The following CPXM1 variants were observed in gnomAD, a reference collection of about 807,000 sequenced individuals.
The protein encoded by CPXM1 is probable carboxypeptidase X1.
Under a neutral mutation model 80.4 loss-of-function variants are expected in CPXM1, and 72 were observed. The observed-to-expected ratio is 0.90, with a 90% confidence interval of 0.74 to 1.09. The LOEUF (loss-of-function observed/expected upper bound fraction) is 1.09. CPXM1 is among the 50% of genes least tolerant of loss of function. CPXM1 has a pLI of 0.00. For missense variants in CPXM1, 892 were observed against 999.4 expected (o/e 0.89, Z 1.45); for synonymous variants, 403 against 405.6 (o/e 0.99, Z 0.08).
intron 1 of CPXM1, 94 bp downstream of exon 1, chr20:2,800,307 C>A (rs2088556937): frequency 8.8e-7 from 1 of 1,138,064 alleles, no homozygotes. Flanking sequence ...CGTGGGTGTG[C>A]GTGTGCCCGC....
intron 5 of CPXM1, among the ~76,000 whole-genome samples, 187 bp from the exon 6 acceptor site, chr20:2,797,529 C>G (rs866164835): frequency 1.2e-4 from 18 of 152,218 alleles, no homozygotes; most frequent in African/African-American, 3.9e-4. Flanking sequence ...CCTAGGCAGC[C>G]TTGCTCTCTG....
At chr20:2,797,491 C>G in intron 5 of CPXM1, 149 bp from the exon 6 acceptor site, 2 of 890,896 alleles carry the variant, frequency 2.2e-6, no homozygotes, top group Non-Finnish European at 3.2e-6. Flanking sequence ...ACACAGACCC[C>G]GGCCCACAGC....
chr20:2,798,021 T>C lies in CPXM1; in HGVS notation c.628A>G (p.Asn210Asp). The change falls in exon 5 of 14, where the codon AAT becomes GAT. Residue 210 changes from asparagine to aspartate, a missense_variant. Physicochemically the swap from Asn to Asp is conservative, Grantham distance 23. Around this residue, in one of 2 missense-constraint regions of CPXM1, gnomAD observed 874 missense variants for 958.4 expected, o/e 0.91. Transcript: ENST00000380605. Reference sequence around the variant, plus strand: ...CTTCCCCACCAGGTCCGACTGTCATTGCTGAACTGGACCTTGTATGATGTG... The same window carrying C: ...CTTCCCCACCAGGTCCGACTGTCATCGCTGAACTGGACCTTGTATGATGTG... ...WVTSYKVQFS[N>D]DSRTWWGSRN... 1 of 1,614,136 alleles carries C rather than the reference T, an allele frequency of 6.2e-7. No individual in the cohort carries two copies. Among genetic ancestry groups the C allele is most frequent in the Non-Finnish European group, 8.5e-7 (1 of 1,180,008 alleles).
Position 2,795,517 on chromosome 20 carries a change from G to C in CPXM1, c.1720+82C>G, listed in dbSNP as rs1056051386. Reference sequence around the variant, plus strand: ...GGGACACTTCAGAGTGGGAACAGACGCCAGCACTGTACGCAACCGCAGGCT... The same window carrying C: ...GGGACACTTCAGAGTGGGAACAGACCCCAGCACTGTACGCAACCGCAGGCT... On this transcript the variant is annotated intron_variant, in intron 11 of 13. Transcript: ENST00000380605. The surrounding 1 kb of genome is among the most constrained non-coding windows in gnomAD (Gnocchi z 5.4). 6.3e-7 allele frequency: 1 copy of C among 1,586,676 alleles called. No homozygotes were observed. The highest frequency in any genetic ancestry group is 2.2e-5 in the East Asian group (1 of 44,468).
At position 2,794,100 on chromosome 20, in the gene CPXM1, AC is replaced by A. The variant is rs1195708747; in HGVS notation, c.*89del. On this transcript the variant is annotated 3_prime_UTR_variant, in exon 14 of 14. Transcript: ENST00000380605. The surrounding 1 kb of genome is among the most constrained non-coding windows in gnomAD (Gnocchi z 5.2). ...AAGGTGCCCGGTAGCTTTAATGAGC[AC>A]CTTTTCCTCACTTTGTCCCTCCCTC... The A allele has an allele frequency of 3.7e-5, 55 of 1,496,286 alleles. No individual in the cohort carries two copies. Among genetic ancestry groups the A allele is most frequent in the Non-Finnish European group, 4.5e-5 (50 of 1,118,122 alleles). The allele number at this position is 1,496,286 out of a possible 1,614,324, so 92.7% of individuals were successfully genotyped here. A position where few individuals can be genotyped will look rare whatever the true frequency, so the allele number is the denominator to read the frequency against.
Position 2,794,529 on chromosome 20 carries a change from A to G in CPXM1, c.1963+8T>C, listed in dbSNP as rs774732076. ...AGCCCCTTCCCTTGCCCTCCCGGTCAAACACACCCGTGGTCACGTCATGGT... is the reference window on the plus strand; with the variant it reads ...AGCCCCTTCCCTTGCCCTCCCGGTCGAACACACCCGTGGTCACGTCATGGT... On this transcript the variant is annotated splice_region_variant and intron_variant, in intron 13 of 13. Transcript: ENST00000380605. This position sits in a 1 kb window ranked among gnomAD's most constrained non-coding sequence, Gnocchi z 5.2. 3 of 1,613,976 alleles carry G rather than the reference A, an allele frequency of 1.9e-6. No individual in the cohort carries two copies. The highest frequency in any genetic ancestry group is 2.5e-6 in the Non-Finnish European group (3 of 1,179,998).
In CPXM1 at chr20:2,798,414, C is replaced by T. The variant is rs747939286; in HGVS notation, c.450+14G>A. On this transcript the variant is annotated intron_variant, in intron 3 of 13. Transcript: ENST00000380605. ...CCTACCCTGAGACCATGGCTCCGAG[C>T]CAGGATTACTGACCTGAATGTTGAG... 1 of 1,608,804 alleles carries T rather than the reference C, an allele frequency of 6.2e-7. No homozygotes were observed. Among genetic ancestry groups the T allele is most frequent in the Admixed American group, 1.7e-5 (1 of 59,806 alleles).
chr20:2,798,645 G>A lies in CPXM1; in HGVS notation c.340+81C>T, dbSNP rs182503084. 4.1e-5 allele frequency: 64 copies of A among 1,552,048 alleles called. 1 individual carries two copies. The South Asian group carries it at 4.7e-4, about 11-fold the overall frequency. On this transcript the variant is annotated intron_variant, in intron 2 of 13. Coordinates refer to ENST00000380605, the MANE Select transcript of CPXM1 (RefSeq NM_019609.5). ...GCGCTAGGCAAGCAAGGGGCGTGCC[G>A]GTGCCCATGAGGCCAAGAGCTGTGC...
chr20:2,796,623 G>A lies in CPXM1; in HGVS notation c.949C>T (p.Pro317Ser), dbSNP rs762109961. 3.7e-6 allele frequency: 6 copies of A among 1,614,166 alleles called. No homozygotes were observed. The South Asian group carries it at 6.6e-5, about 18-fold the overall frequency. ...ATGCTGTAGATGCGGGTGATGTTGG[G>A]GCATTGCTCTTGTACCTGCTTCATC... is the stretch of plus-strand genomic sequence containing the variant. Reference protein sequence around the residue: ...KLMKQVQEQCPNITRIYSIGK... With the variant: ...KLMKQVQEQCSNITRIYSIGK... The change falls in exon 8 of 14, where the codon CCC (proline) becomes TCC (serine). Residue 317 changes from proline (P) to serine (S), a missense_variant. Around this residue, in one of 2 missense-constraint regions of CPXM1, gnomAD observed 874 missense variants for 958.4 expected, o/e 0.91. Transcript: ENST00000380605. This position sits in a 1 kb window ranked among gnomAD's most constrained non-coding sequence, Gnocchi z 6.8.
At position 2,794,205 on chromosome 20, in the gene CPXM1, C is replaced by T. The variant is rs762888591; in HGVS notation, c.2190G>A (p.Arg730=). 1 of 1,612,728 alleles carries T rather than the reference C, an allele frequency of 6.2e-7. No homozygotes were observed. Among genetic ancestry groups the T allele is most frequent in the East Asian group, 2.2e-5 (1 of 44,886 alleles). Residue 730 remains arginine (R), a synonymous_variant, in exon 14 of 14, where the codon AGG becomes AGA. Coordinates refer to ENST00000380605, the MANE Select transcript of CPXM1 (RefSeq NM_019609.5). This position sits in a 1 kb window ranked among gnomAD's most constrained non-coding sequence, Gnocchi z 5.2. ...ACCGCAGGTATCAATCCTTCTGTCC[C>T]CTTAGCCGCTCCAGGCGCCTGCGAA... ...PDLRRRLERL[R]GQKD
rs752172717 is a variant in CPXM1 at position 2,798,713 on chromosome 20, GGA to G, written c.340+11_340+12del. 6.2e-6 allele frequency: 10 copies of G among 1,607,184 alleles called. No homozygotes were observed. The African/African-American group carries it at 1.3e-4, about 21-fold the overall frequency. The stretch of plus-strand genomic sequence containing the variant: ...GGCTGCAAGTCTGGGCTGGGCCCCT[GGA>G]GAGGAAGTACCTGTTTCTTGTTTCT... On this transcript the variant is annotated intron_variant, in intron 2 of 13. Transcript: ENST00000380605.
Position 2,796,913 on chromosome 20 carries a change from G to T in CPXM1, c.921+93C>A. On this transcript the variant is annotated intron_variant, in intron 7 of 13. Coordinates refer to ENST00000380605, the MANE Select transcript of CPXM1 (RefSeq NM_019609.5). This position sits in a 1 kb window ranked among gnomAD's most constrained non-coding sequence, Gnocchi z 6.8. ...CAGGAGGCAGCAGGGGCATACAAGCGCAGTCACAGCAGGTTGTGCCCCGGT... is the reference window on the plus strand; with the variant it reads ...CAGGAGGCAGCAGGGGCATACAAGCTCAGTCACAGCAGGTTGTGCCCCGGT... 1 of 1,198,424 alleles carries T rather than the reference G, an allele frequency of 8.3e-7. No individual in the cohort carries two copies. Among genetic ancestry groups the T allele is most frequent in the Non-Finnish European group, 1.2e-6 (1 of 817,988 alleles). The allele number at this position is 1,198,424 out of a possible 1,614,324, so 74.2% of individuals were successfully genotyped here.
Position 2,796,469 on chromosome 20 carries a change from G to A in CPXM1, c.1046-26C>T, listed in dbSNP as rs764512354. The A allele has an allele frequency of 8.7e-6, 14 of 1,613,430 alleles. No individual in the cohort carries two copies. Among genetic ancestry groups the A allele is most frequent in the South Asian group, 3.3e-5 (3 of 91,018 alleles). On this transcript the variant is annotated intron_variant, in intron 8 of 13. Transcript: ENST00000380605. The surrounding 1 kb of genome is among the most constrained non-coding windows in gnomAD (Gnocchi z 6.8). ...CTGGGGACACATGGGGGCTTGCAGC[G>A]GGTTCATGCCTGGGGCCCTGCCCTG...
Position 2,795,385 on chromosome 20 carries a change from G to A in CPXM1, c.1752C>T (p.Asn584=), listed in dbSNP as rs920083503. The change falls in exon 12 of 14, where the codon AAC becomes AAT. Residue 584 remains asparagine, a synonymous_variant. Transcript: ENST00000380605. The surrounding 1 kb of genome is among the most constrained non-coding windows in gnomAD (Gnocchi z 5.4). ...SMNDFSYLHT[N]CFEVTVELSC... is the part of the protein sequence containing the mutation. ...ACAGCTCCACAGTGACCTCAAAGCA[G>A]TTGGTGTGTAGGTAGCTGAAGTCAT... 11 of 1,614,084 alleles carry A rather than the reference G, an allele frequency of 6.8e-6. No homozygotes were observed. Among genetic ancestry groups the A allele is most frequent in the Non-Finnish European group, 7.6e-6 (9 of 1,180,030 alleles).
Position 2,796,072 on chromosome 20 carries a change from C to G in CPXM1, c.1332G>C (p.Leu444=). ...CCTTCCCATCGTCCTGTGCTTCCCA[C>G]AGTGGTGTGTTGAGGTCAGCAAAAT... ...NHNFADLNTP[L]WEAQDDGKVP... is the part of the protein sequence containing the mutation. Residue 444 remains leucine, a synonymous_variant, in exon 10 of 14, where the codon CTG becomes CTC. Transcript: ENST00000380605. This position sits in a 1 kb window ranked among gnomAD's most constrained non-coding sequence, Gnocchi z 6.8. 1 of 1,614,104 alleles carries G rather than the reference C, an allele frequency of 6.2e-7. No individual in the cohort carries two copies. Among genetic ancestry groups the G allele is most frequent in the South Asian group, 1.1e-5 (1 of 91,066 alleles).
At position 2,798,236 on chromosome 20, in the gene CPXM1, T is replaced by C; in HGVS notation, c.506A>G (p.Asp169Gly). ...YDGAWCAEEQ[D>G]ADPWFQVDAG... ...GTCCACCTGAAACCATGGATCGGCG[T>C]CCTGCTCCTCAGCACACCAGGCTCC... The change falls in exon 4 of 14, where the codon GAC becomes GGC. Residue 169 changes from aspartate (D) to glycine (G), a missense_variant. By Grantham distance (94) the Asp-to-Gly change is moderately conservative. Coordinates refer to ENST00000380605, the MANE Select transcript of CPXM1 (RefSeq NM_019609.5). 6.2e-7 allele frequency: 1 copy of C among 1,613,856 alleles called. No homozygotes were observed. Among genetic ancestry groups the C allele is most frequent in the Non-Finnish European group, 8.5e-7 (1 of 1,179,984 alleles).
At position 2,800,451 on chromosome 20, in the gene CPXM1, G is replaced by T. The variant is rs779313985; in HGVS notation, c.122C>A (p.Thr41Asn). 3.3e-5 allele frequency: 49 copies of T among 1,503,652 alleles called. No individual in the cohort carries two copies. Among genetic ancestry groups the T allele is most frequent in the Non-Finnish European group, 3.8e-5 (43 of 1,133,764 alleles). The allele number at this position is 1,503,652 out of a possible 1,614,324, so 93.1% of individuals were successfully genotyped here. The change falls in exon 1 of 14, where the codon ACC (threonine) becomes AAC (asparagine). Residue 41 changes from threonine to asparagine, a missense_variant. Physicochemically the swap from Thr to Asn is moderately conservative, Grantham distance 65. Around this residue, in one of 2 missense-constraint regions of CPXM1, gnomAD observed 874 missense variants for 958.4 expected, o/e 0.91. Coordinates refer to ENST00000380605, the MANE Select transcript of CPXM1 (RefSeq NM_019609.5). Reference protein sequence around the residue: ...QPGTTKVPGSTPALHSSPAQP... With the variant: ...QPGTTKVPGSNPALHSSPAQP... ...TGCCGGGCTGCTATGCAGGGCCGGG[G>T]TCGAGCCTGGGACCTTGGTGGTCCC...
intron 1 of CPXM1, 85 bp downstream of exon 1, chr20:2,800,316 G>T: frequency 8.0e-7 from 1 of 1,243,866 alleles, no homozygotes; most frequent in Non-Finnish European, 1.1e-6. Context: ...GCGTGTGCCC[G>T]CGTGTTAGGG....
In CPXM1 at chr20:2,794,529, A is replaced by C. The variant is rs774732076; in HGVS notation, c.1963+8T>G. ...AGCCCCTTCCCTTGCCCTCCCGGTC[A>C]AACACACCCGTGGTCACGTCATGGT... On this transcript the variant is annotated splice_region_variant and intron_variant, in intron 13 of 13. Transcript: ENST00000380605. The surrounding 1 kb of genome is among the most constrained non-coding windows in gnomAD (Gnocchi z 5.2). 1 of 1,613,858 alleles carries C rather than the reference A, an allele frequency of 6.2e-7. No homozygotes were observed. Among genetic ancestry groups the C allele is most frequent in the African/African-American group, 1.3e-5 (1 of 74,888 alleles).
Sources: gnomAD v4.1 joint callset for allele counts (sites outside exome capture counted in the v4.1 genomes callset) on GRCh38, gnomAD v4.1.1 for gene constraint, gnomAD v4.1.1 regional missense constraint, Gnocchi (gnomAD v3.1) non-coding constraint, MANE v1.5 for transcripts, NCBI Gene and HGNC (gene_info 2026-07-23, HGNC 2026-07-21) for gene names.